KATNIP: variants seen among roughly 807,000 people sequenced by gnomAD.
The protein encoded by KATNIP is katanin interacting protein.
Under a neutral mutation model 174.0 loss-of-function variants are expected in KATNIP, and 126 were observed. The ratio of observed to expected loss-of-function variants is 0.72; its 90% confidence interval spans 0.63 to 0.84. KATNIP has a LOEUF of 0.84. Ranked by LOEUF, KATNIP falls within the 40% of genes least tolerant of loss-of-function variation. The pLI is 0.00. For missense variants in KATNIP, 1,958 were observed against 2,109.7 expected (o/e 0.93, Z 1.41); for synonymous variants, 810 against 835.7 (o/e 0.97, Z 0.53).
At chr16:27,572,462 CCTCTGT>C (rs543500133) in intron 1 of KATNIP, among the ~76,000 whole-genome samples, 9 of 151,588 alleles carry the variant, frequency 5.9e-5, no homozygotes, top group Admixed American at 2.6e-4. Context: ...GGAATCCTGG[CCTCTGT>C]TAGTCTACCC....
At chr16:27,778,017 C>G (rs972311450) in intron 27 of KATNIP, 48 bp downstream of exon 27, 24 of 1,559,484 alleles carry the variant, frequency 1.5e-5, no homozygotes, top group Non-Finnish European at 1.9e-5. Context: ...GGAGCTCGGT[C>G]TGAATATAGA....
chr16:27,648,109 A>G (rs1026768727), intron 5 of KATNIP, among the ~76,000 whole-genome samples: 2 of 152,130 alleles, frequency 1.3e-5, no homozygotes, highest in East Asian at 1.9e-4. Context: ...AGCCTGGCCA[A>G]CGTGGCAAAA....
chr16:27,598,768 T>G (rs917250478), intron 2 of KATNIP, among the ~76,000 whole-genome samples: 1 of 152,122 alleles, frequency 6.6e-6, no homozygotes, highest in African/African-American at 2.4e-5. Context: ...GCAGGAGATA[T>G]ACATGCAGGG....
At chr16:27,575,343 A>G (rs2090459403) in intron 2 of KATNIP, among the ~76,000 whole-genome samples, 1 of 152,162 alleles carries the variant, frequency 6.6e-6, no homozygotes, top group Admixed American at 6.5e-5. Flanking sequence ...GCAAGTGGGA[A>G]GTGGTAGCAA....
chr16:27,710,264 A>C (rs1029444656), intron 13 of KATNIP, among the ~76,000 whole-genome samples: 9 of 152,152 alleles, frequency 5.9e-5, no homozygotes, highest in African/African-American at 1.9e-4. Flanking sequence ...AGGCTGAGCC[A>C]GGAGAGTCGC....
intron 5 of KATNIP, among the ~76,000 whole-genome samples, chr16:27,645,881 G>A (rs1017783924): frequency 2.0e-5 from 3 of 152,138 alleles, no homozygotes; most frequent in Non-Finnish European, 2.9e-5. Flanking sequence ...TGGATCTCGT[G>A]GCCATCCCTA....
chr16:27,724,341 C>T (rs772206640), intron 14 of KATNIP, among the ~76,000 whole-genome samples: 8 of 152,200 alleles, frequency 5.3e-5, no homozygotes, highest in Non-Finnish European at 1.0e-4. Context: ...CCCTGCAGCT[C>T]GGCCCTGTCA....
In KATNIP at chr16:27,631,050, T is replaced by C. The variant is rs747843026; in HGVS notation, c.311-15T>C. 11 of 1,554,348 alleles carry C rather than the reference T, an allele frequency of 7.1e-6. No homozygotes were observed. In the Admixed American group the frequency reaches 7.7e-5, roughly 11 times the overall value. ...CAGTGCCTCACCAAGTCTCCTTCCCTCGTCTCTGGTGCAGATTATGGACGA... is the reference window on the plus strand; with the variant it reads ...CAGTGCCTCACCAAGTCTCCTTCCCCCGTCTCTGGTGCAGATTATGGACGA... On this transcript the variant is annotated splice_polypyrimidine_tract_variant and intron_variant, in intron 4 of 27. Coordinates refer to ENST00000261588, the MANE Select transcript of KATNIP (RefSeq NM_015202.5).
At chr16:27,744,020 A>T (rs1375681973) in intron 15 of KATNIP, among the ~76,000 whole-genome samples, 1 of 152,214 alleles carries the variant, frequency 6.6e-6, no homozygotes, top group Non-Finnish European at 1.5e-5. Flanking sequence ...CTCAATGCAC[A>T]TTAAGAACCA....
At chr16:27,737,909 G>A (rs551224726) in intron 14 of KATNIP, among the ~76,000 whole-genome samples, 4 of 152,042 alleles carry the variant, frequency 2.6e-5, no homozygotes, top group East Asian at 1.9e-4. Context: ...AGGATGGCCC[G>A]TCACCCTAGT....
In KATNIP at chr16:27,724,227, C is replaced by T. The variant is rs1420160501; in HGVS notation, c.1743+2532C>T. Among the ~76,000 whole-genome samples, 10 of 152,242 alleles carry T rather than the reference C, an allele frequency of 6.6e-5. No homozygotes were observed. The South Asian group carries it at 1.0e-3, about 16-fold the overall frequency. ...ATGGCACACTAAGAGCTTCTGGGGT[C>T]GGGTCCTCTCATTCCAAGTCCCACT... On this transcript the variant is annotated intron_variant, in intron 14 of 27. Transcript: ENST00000261588.
intron 2 of KATNIP, among the ~76,000 whole-genome samples, chr16:27,593,379 C>T (rs2075243799): frequency 2.0e-5 from 3 of 152,036 alleles, no homozygotes; most frequent in Non-Finnish European, 4.4e-5. Flanking sequence ...GCTGGGATTA[C>T]AGGCATGCAC....
intron 3 of KATNIP, among the ~76,000 whole-genome samples, chr16:27,625,704 C>T (rs1048888948): frequency 6.6e-6 from 1 of 152,148 alleles, no homozygotes; most frequent in Non-Finnish European, 1.5e-5. Flanking sequence ...AAAGAAATCA[C>T]CCACAATGCC....
In KATNIP at chr16:27,628,643, C is replaced by T. The variant is rs368399645; in HGVS notation, c.141-18C>T. On this transcript the variant is annotated intron_variant, in intron 3 of 27. Transcript: ENST00000261588. ...CTCTCAAATGATGAGGAGGAACAAC[C>T]CACCGTTTCTCTTTCAGGATATTAA... is the stretch of plus-strand genomic sequence containing the variant. 1.2e-6 allele frequency: 2 copies of T among 1,613,006 alleles called. No individual in the cohort carries two copies. The highest frequency in any genetic ancestry group is 8.5e-7 in the Non-Finnish European group (1 of 1,179,274).
chr16:27,676,149 T>C (rs2078105373), intron 6 of KATNIP, among the ~76,000 whole-genome samples: 1 of 152,170 alleles, frequency 6.6e-6, no homozygotes, highest in Admixed American at 6.5e-5. Flanking sequence ...ACATTTTACT[T>C]TAAGCAGCAG....
rs529970994 is a variant in KATNIP, at chr16:27,766,372, G to A, written c.3873G>A (p.Pro1291=). 76 of 1,614,164 alleles carry A rather than the reference G, an allele frequency of 4.7e-5. No individual in the cohort carries two copies. Among genetic ancestry groups the A allele is most frequent in the East Asian group, 4.2e-4 (19 of 44,880 alleles). The change falls in exon 20 of 28, where the codon CCG becomes CCA. Residue 1291 remains proline, a synonymous_variant. Coordinates refer to ENST00000261588, the MANE Select transcript of KATNIP (RefSeq NM_015202.5). ...DEHMWLIPFS[P]GLDHVVTIRL... ...ATATGTGGCTGATCCCCTTCTCGCC[G>A]GGGCTGGACCATGTGGTCACGATCC...
intron 13 of KATNIP, among the ~76,000 whole-genome samples, chr16:27,717,491 A>G (rs2080006647): frequency 6.6e-6 from 1 of 151,556 alleles, no homozygotes; most frequent in Admixed American, 6.6e-5. Flanking sequence ...ATGTGTCCCT[A>G]CTTGATTTTT....
intron 14 of KATNIP, among the ~76,000 whole-genome samples, chr16:27,729,743 T>C (rs1022165309): frequency 6.6e-6 from 1 of 152,110 alleles, no homozygotes; most frequent in African/African-American, 2.4e-5. Context: ...CTTCTCCACT[T>C]CCTTTTTCTG....
At chr16:27,615,231 C>T (rs947968331) in intron 2 of KATNIP, among the ~76,000 whole-genome samples, 3 of 151,612 alleles carry the variant, frequency 2.0e-5, no homozygotes, top group African/African-American at 7.3e-5. Flanking sequence ...TAGACTCAAG[C>T]CATCCTCCTG....
Sources: allele counts gnomAD v4.1 joint callset (sites outside exome capture counted in the v4.1 genomes callset), GRCh38; gene constraint gnomAD v4.1.1; transcripts MANE v1.5; gene names NCBI Gene and HGNC (gene_info 2026-07-23, HGNC 2026-07-21).